The following RALGAPA1 variants were observed in gnomAD, a reference collection of about 807,000 sequenced individuals.
RALGAPA1 encodes ral GTPase-activating protein subunit alpha-1.
A neutral mutation model predicts 269.6 loss-of-function variants in RALGAPA1; 52 were observed. The observed-to-expected ratio is 0.19, with a 90% CI of 0.15 to 0.24. The LOEUF is 0.24. Ranked by LOEUF, RALGAPA1 falls within the 10% of genes least tolerant of loss-of-function variation. The pLI is 1.00. For missense variants in RALGAPA1, 1,917 were observed against 3,013.9 expected, an observed-to-expected ratio of 0.64 and a Z score of 8.52; for synonymous variants, 817 against 1,008.3, an observed-to-expected ratio of 0.81 and a Z score of 3.60.
At chr14:35,769,697 T>G (rs529719857) in intron 4 of RALGAPA1, among the ~76,000 whole-genome samples, 12 of 152,260 alleles carry the variant, frequency 7.9e-5, no homozygotes, top group African/African-American at 2.4e-4. Context: ...CTCTAAGGAA[T>G]AACTTGAACA....
chr14:35,755,559 A>G (rs1225670071), intron 7 of RALGAPA1, among the ~76,000 whole-genome samples: 1 of 127,770 alleles, frequency 7.8e-6, no homozygotes, highest in Non-Finnish European at 1.5e-5. Context: ...TATGAAGTAC[A>G]AAAGTATTTT....
At chr14:35,796,935 G>C (rs901530775) in intron 1 of RALGAPA1, among the ~76,000 whole-genome samples, 2 of 151,946 alleles carry the variant, frequency 1.3e-5, no homozygotes, top group Non-Finnish European at 2.9e-5. Context: ...CTACAGGCGC[G>C]TGCCACCACA....
intron 37 of RALGAPA1, among the ~76,000 whole-genome samples, chr14:35,580,157 A>G (rs935096539): frequency 6.6e-6 from 1 of 152,094 alleles, no homozygotes; most frequent in South Asian, 2.1e-4. Flanking sequence ...CTTTCCCCCT[A>G]TTTTGGGGGG....
At position 35,689,445 on chromosome 14, in the gene RALGAPA1, T is replaced by G. The variant is rs2066289968; in HGVS notation, c.2966A>C (p.Glu989Ala). The G allele has an allele frequency of 3.2e-6, 4 of 1,232,554 alleles. No individual in the cohort carries two copies. Among genetic ancestry groups the G allele is most frequent in the Non-Finnish European group, 3.0e-6 (3 of 988,246 alleles). The allele number at this position is 1,232,554 out of a possible 1,614,324, so 76.4% of individuals were successfully genotyped here. A position where few individuals can be genotyped will look rare whatever the true frequency, so the allele number is the denominator to read the frequency against. The change falls in exon 18 of 42, where the codon GAA (glutamate) becomes GCA (alanine). Residue 989 changes from glutamate (E) to alanine (A), a missense_variant. This residue lies in a region of RALGAPA1 where 615 missense variants were observed against 790.0 expected (regional missense o/e 0.78). Coordinates refer to ENST00000680220, the MANE Select transcript of RALGAPA1 (RefSeq NM_001346249.2). ...SLDKLECTDQ[E>A]TESENITSFV... ...AGAGGTGATATTTTCTGATTCAGTTTCCTGATCTGTGCATTCTAATTTATC... is the reference window on the plus strand; with the variant it reads ...AGAGGTGATATTTTCTGATTCAGTTGCCTGATCTGTGCATTCTAATTTATC...
chr14:35,769,107 A>G (rs1390975245), intron 4 of RALGAPA1, among the ~76,000 whole-genome samples: 1 of 147,416 alleles, frequency 6.8e-6, no homozygotes, highest in East Asian at 1.9e-4. Flanking sequence ...GAAAACAAGA[A>G]AATAGAAAGC....
intron 12 of RALGAPA1, among the ~76,000 whole-genome samples, chr14:35,728,901 A>G (rs2141018257): frequency 6.6e-6 from 1 of 152,052 alleles, no homozygotes; most frequent in African/African-American, 2.4e-5. Flanking sequence ...TGCCAGGCTA[A>G]TTTTTGTATT....
chr14:35,652,387 C>T (rs947097128), intron 30 of RALGAPA1, among the ~76,000 whole-genome samples: 3 of 144,752 alleles, frequency 2.1e-5, no homozygotes, highest in Admixed American at 6.7e-5. Flanking sequence ...TATATATACA[C>T]ACACACATAT....
chr14:35,687,929 T>C (rs2066099773), intron 18 of RALGAPA1, among the ~76,000 whole-genome samples: 1 of 152,256 alleles, frequency 6.6e-6, no homozygotes, highest in Non-Finnish European at 1.5e-5. Flanking sequence ...TCCTCATCAC[T>C]GATAGTTAAC....
chr14:35,799,862 CAT>C lies in RALGAPA1; in HGVS notation c.106+8866_106+8867del, dbSNP rs1217989186. Among the ~76,000 whole-genome samples the C allele has an allele frequency of 3.9e-5, 6 of 152,186 alleles. No homozygotes were observed. The South Asian group carries it at 1.0e-3, about 26-fold the overall frequency. On this transcript the variant is annotated intron_variant, in intron 1 of 41. Transcript: ENST00000680220. ...CTGCCAACAATATAAACCCACTTCA[CAT>C]ATAAAAACACAAGTAGATTTAAAAG...
intron 39 of RALGAPA1, among the ~76,000 whole-genome samples, chr14:35,554,650 T>C (rs1336552778): frequency 6.6e-6 from 1 of 152,200 alleles, no homozygotes. Flanking sequence ...CCGGCCTAAA[T>C]ACACTTTCTT....
chr14:35,738,750 A>G, intron 11 of RALGAPA1, 100 bp from the exon 12 acceptor site: 2 of 870,554 alleles, frequency 2.3e-6, no homozygotes, highest in Non-Finnish European at 1.7e-6. Context: ...TCCCACTGCT[A>G]AACAGGTTTC....
chr14:35,770,064 G>A (rs1001401033), intron 4 of RALGAPA1, among the ~76,000 whole-genome samples: 4 of 152,096 alleles, frequency 2.6e-5, no homozygotes, highest in Non-Finnish European at 5.9e-5. Flanking sequence ...TATAAATAGT[G>A]AGTAAATAGG....
At chr14:35,580,411 T>C (rs756566021) in intron 37 of RALGAPA1, among the ~76,000 whole-genome samples, 43 of 152,330 alleles carry the variant, frequency 2.8e-4, no homozygotes, top group Middle Eastern at 3.4e-3. Context: ...TTTTTAACCA[T>C]TTTCCATCAA....
At chr14:35,770,856 T>A in intron 4 of RALGAPA1, 86 bp downstream of exon 4, 1 of 466,408 alleles carries the variant, frequency 2.1e-6, no homozygotes, top group Non-Finnish European at 3.9e-6. Context: ...CACCTATTAA[T>A]TCATTTCAAC....
intron 37 of RALGAPA1, among the ~76,000 whole-genome samples, chr14:35,576,052 C>G (rs1016974609): frequency 6.6e-6 from 1 of 152,178 alleles, no homozygotes; most frequent in Non-Finnish European, 1.5e-5. Flanking sequence ...TAATATATAT[C>G]TTACCTTTCC....
chr14:35,600,147 T>TG (rs976927088), intron 36 of RALGAPA1, among the ~76,000 whole-genome samples: 19 of 151,184 alleles, frequency 1.3e-4, no homozygotes, highest in African/African-American at 3.4e-4. Flanking sequence ...TTTTTTTTTT[T>TG]TTGTTAATGT....
intron 1 of RALGAPA1, among the ~76,000 whole-genome samples, chr14:35,801,837 TCAAGAA>T (rs904982274): frequency 1.1e-4 from 16 of 152,050 alleles, no homozygotes; most frequent in Non-Finnish European, 2.2e-4. Context: ...ACCCCTAAGA[TCAAGAA>T]CAAGACAAGA....
At chr14:35,690,260 G>A (rs1285377619) in intron 17 of RALGAPA1, among the ~76,000 whole-genome samples, 2 of 152,132 alleles carry the variant, frequency 1.3e-5, no homozygotes, top group African/African-American at 4.8e-5. Flanking sequence ...CAGACAGTGA[G>A]GTGATGAAAC....
intron 35 of RALGAPA1, among the ~76,000 whole-genome samples, chr14:35,608,997 C>A (rs552724611): frequency 6.6e-6 from 1 of 152,100 alleles, no homozygotes; most frequent in Non-Finnish European, 1.5e-5. Flanking sequence ...GAGGCTGAGG[C>A]GGGTGGATCA....
Sources: gnomAD v4.1 joint callset for allele counts (sites outside exome capture counted in the v4.1 genomes callset) on GRCh38, gnomAD v4.1.1 for gene constraint, gnomAD v4.1.1 regional missense constraint, MANE v1.5 for transcripts, NCBI Gene and HGNC (gene_info 2026-07-23, HGNC 2026-07-21) for gene names.